Variants in NAALADL2 observed in about 807,000 individuals in gnomAD.
NAALADL2 encodes the protein N-acetylated alpha-linked acidic dipeptidase like 2.
In NAALADL2, 76 loss-of-function variants were observed where a neutral mutation model predicts 87.2. The observed-to-expected ratio is 0.87, with a 90% confidence interval of 0.72 to 1.05. The LOEUF (loss-of-function observed/expected upper bound fraction) is 1.05, where lower values mean the gene tolerates loss of function less well. Ranked by LOEUF, NAALADL2 falls within the 50% of genes least tolerant of loss-of-function variation. The pLI, the probability that NAALADL2 is intolerant of heterozygous loss-of-function variation, is 0.00. For missense variants in NAALADL2, 1,089 were observed against 945.8 expected (o/e 1.15, Z -1.99); for synonymous variants, 354 against 331.0 (o/e 1.07, Z -0.75).
At chr3:174,660,602 A>G (rs1725414293) in intron 2 of NAALADL2, among the ~76,000 whole-genome samples, 1 of 152,200 alleles carries the variant, frequency 6.6e-6, no homozygotes, top group South Asian at 2.1e-4. Flanking sequence ...TGATTTATCA[A>G]AAATGTTGTG....
intron 4 of NAALADL2, among the ~76,000 whole-genome samples, chr3:175,311,550 A>C (rs2110305967): frequency 6.6e-6 from 1 of 152,184 alleles, no homozygotes; most frequent in East Asian, 1.9e-4. Context: ...TTTAAGGTGG[A>C]ATCAGTATAT....
At chr3:175,629,299 C>T (rs1727440207) in intron 11 of NAALADL2, among the ~76,000 whole-genome samples, 1 of 148,486 alleles carries the variant, frequency 6.7e-6, no homozygotes, top group Non-Finnish European at 1.5e-5. Context: ...CACGCAGACA[C>T]ACATAGACAC....
chr3:175,767,197 G>A (rs1748824456), intron 13 of NAALADL2, among the ~76,000 whole-genome samples: 1 of 151,428 alleles, frequency 6.6e-6, no homozygotes, highest in South Asian at 2.1e-4. Flanking sequence ...CAAGACTACA[G>A]CATTTTTAAC....
chr3:175,550,197 G>GA (rs1714110816), intron 9 of NAALADL2, among the ~76,000 whole-genome samples: 1 of 152,116 alleles, frequency 6.6e-6, no homozygotes. Flanking sequence ...AGAATGGTCA[G>GA]AAAATATACT....
chr3:175,662,725 G>A (rs146083796), intron 11 of NAALADL2, among the ~76,000 whole-genome samples: 31 of 151,982 alleles, frequency 2.0e-4, no homozygotes, highest in Non-Finnish European at 3.7e-4. Context: ...TTTATCAAAT[G>A]CTTTATCAGC....
chr3:174,826,511 G>A (rs967468113), intron 3 of NAALADL2, among the ~76,000 whole-genome samples: 2 of 152,170 alleles, frequency 1.3e-5, no homozygotes, highest in African/African-American at 4.8e-5. Context: ...ACAGTGTCTG[G>A]TACATAATAA....
In NAALADL2 at chr3:175,737,355, T is replaced by A. The variant is rs1244069416; in HGVS notation, c.1946T>A (p.Phe649Tyr). Reference sequence around the variant, plus strand: ...ATTGCCAACGAACCTGTTCTGCCCTTTAATGCACTTGATATAGCTTTAGAA... The same window carrying A: ...ATTGCCAACGAACCTGTTCTGCCCTATAATGCACTTGATATAGCTTTAGAA... ...LQIANEPVLP[F>Y]NALDIALEVQ... Residue 649 changes from phenylalanine to tyrosine, a missense_variant, in exon 12 of 14, where the codon TTT (phenylalanine) becomes TAT (tyrosine). Coordinates refer to ENST00000454872, the MANE Select transcript of NAALADL2 (RefSeq NM_207015.3). 6.2e-7 allele frequency: 1 copy of A among 1,611,780 alleles called. No homozygotes were observed. The highest frequency in any genetic ancestry group is 1.3e-5 in the African/African-American group (1 of 74,858).
At chr3:175,308,266 T>C (rs1757950864) in intron 4 of NAALADL2, among the ~76,000 whole-genome samples, 1 of 152,214 alleles carries the variant, frequency 6.6e-6, no homozygotes, top group Non-Finnish European at 1.5e-5. Context: ...GTGTCTTGTT[T>C]GCTCAATATC....
intron 11 of NAALADL2, chr3:175,718,110 G>T (rs1045924398): frequency 6.1e-6 from 5 of 817,678 alleles, no homozygotes; most frequent in Non-Finnish European, 3.6e-6. Flanking sequence ...GTACTTTGAG[G>T]TCTACAAGAC....
chr3:175,315,232 G>T (rs566005793), intron 4 of NAALADL2, among the ~76,000 whole-genome samples: 6 of 152,216 alleles, frequency 3.9e-5, no homozygotes, highest in African/African-American at 1.4e-4. Context: ...CACCTACCTT[G>T]CTCATGTTGG....
Position 174,465,011 on chromosome 3 carries a change from C to T in NAALADL2, c.-184+23979C>T, listed in dbSNP as rs188874116. ...TATAAAGGCCTAAAAACTTTGGTATCTTACTTCAGGAACAATGCTTTAATG... is the reference window on the plus strand; with the variant it reads ...TATAAAGGCCTAAAAACTTTGGTATTTTACTTCAGGAACAATGCTTTAATG... On this transcript the variant is annotated intron_variant, in intron 1 of 3. Transcript: ENST00000434257. Among the ~76,000 whole-genome samples, 10 of 152,078 alleles carry T rather than the reference C, an allele frequency of 6.6e-5. No homozygotes were observed. The East Asian group carries it at 1.7e-3, about 26-fold the overall frequency.
At chr3:175,521,489 T>C (rs1026987326) in intron 9 of NAALADL2, among the ~76,000 whole-genome samples, 1 of 152,160 alleles carries the variant, frequency 6.6e-6, no homozygotes, top group African/African-American at 2.4e-5. Flanking sequence ...TTGGGTTGAA[T>C]TGTGTTCCCC....
In NAALADL2 at chr3:175,580,759, A is replaced by T. The variant is rs35418070; in HGVS notation, c.1800+4572A>T. Among the ~76,000 whole-genome samples the T allele has an allele frequency of 4.1e-3, 619 of 152,192 alleles. 2 individuals are homozygous for T. Among genetic ancestry groups the T allele is most frequent in the Middle Eastern group, 0.01 (3 of 294 alleles). On this transcript the variant is annotated intron_variant, in intron 10 of 13. Transcript: ENST00000454872. ...ATCTTTCTTTGTAACTTATTTTTTT[A>T]AAAATTTCTTACAATATGGTATTTA...
intron 11 of NAALADL2, among the ~76,000 whole-genome samples, chr3:175,633,952 C>G (rs535488127): frequency 1.6e-4 from 24 of 151,772 alleles, no homozygotes; most frequent in African/African-American, 5.5e-4. Flanking sequence ...GTATTGATTT[C>G]CATTATATAT....
At chr3:174,989,307 A>G (rs746450560) in intron 1 of NAALADL2, among the ~76,000 whole-genome samples, 27 of 152,200 alleles carry the variant, frequency 1.8e-4, no homozygotes, top group Non-Finnish European at 3.8e-4. Flanking sequence ...TTTCAGACAG[A>G]TAAGTTTTTA....
chr3:175,106,178 C>G (rs1474729579), intron 2 of NAALADL2, among the ~76,000 whole-genome samples: 1 of 152,008 alleles, frequency 6.6e-6, no homozygotes, highest in African/African-American at 2.4e-5. Context: ...AAGCAAATGT[C>G]CTTTTCTTCA....
intron 2 of NAALADL2, among the ~76,000 whole-genome samples, chr3:174,584,140 A>T (rs1473666736): frequency 6.6e-6 from 1 of 152,130 alleles, no homozygotes; most frequent in African/African-American, 2.4e-5. Context: ...AAACCTGAGA[A>T]AGACTGAGAA....
intron 11 of NAALADL2, among the ~76,000 whole-genome samples, chr3:175,725,411 A>G (rs1482757080): frequency 1.3e-5 from 2 of 152,166 alleles, no homozygotes; most frequent in Non-Finnish European, 2.9e-5. Flanking sequence ...TACTTCATAA[A>G]TCTCTACTTC....
chr3:175,157,364 A>G (rs1732481942), intron 2 of NAALADL2, among the ~76,000 whole-genome samples: 1 of 152,118 alleles, frequency 6.6e-6, no homozygotes. Context: ...ATATCTTTCA[A>G]TTCTCAAAAC....
Sources: allele counts gnomAD v4.1 joint callset (sites outside exome capture counted in the v4.1 genomes callset), GRCh38; gene constraint gnomAD v4.1.1; transcripts MANE v1.5; gene names NCBI Gene and HGNC (gene_info 2026-07-23, HGNC 2026-07-21).